Variants in FGFR2 observed in about 807,000 individuals in gnomAD.
FGFR2 encodes fibroblast growth factor receptor 2.
A neutral mutation model predicts 95.9 loss-of-function variants in FGFR2; 19 were observed. The ratio of observed to expected loss-of-function variants is 0.20; its 90% confidence interval spans 0.14 to 0.29. The LOEUF is 0.29. FGFR2 is among the 10% of genes least tolerant of loss of function. The probability of loss-of-function intolerance (pLI) is 1.00; values close to 1 mark genes in which losing one functional copy is unlikely to be tolerated. For missense variants in FGFR2, 707 were observed against 1,056.9 expected (o/e 0.67, Z 4.59); for synonymous variants, 392 against 393.3 (o/e 1.00, Z 0.04).
rs34753296 is a variant in FGFR2 at position 121,560,615 on chromosome 10, CAAAAAAAAAA to C, written c.454+3877_454+3886del. On this transcript the variant is annotated intron_variant, in intron 4 of 17. Coordinates refer to ENST00000358487, the MANE Select transcript of FGFR2 (RefSeq NM_000141.5). ...GGGCAACAGAGCAAGACTCCGTCCC[CAAAAAAAAAA>C]AAAAAAAAAAAAAAAAGAGGCGAGT... Among the ~76,000 whole-genome samples the C allele has an allele frequency of 1.2e-4, 6 of 51,812 alleles. 1 individual carries two copies. Among genetic ancestry groups the C allele is most frequent in the African/African-American group, 2.1e-4 (3 of 14,514 alleles). The allele number at this position is 51,812 out of a possible 152,430, so 34.0% of individuals were successfully genotyped here.
At position 121,518,017 on chromosome 10, in the gene FGFR2, T is replaced by C. The variant is rs3135759; in HGVS notation, c.940-554A>G. ...CGATACCATCTTGCCCTACATAGCA[T>C]TGACAAAAAGAAATGGAAGCAAGCA... On this transcript the variant is annotated intron_variant, in intron 7 of 17. Transcript: ENST00000358487. The surrounding 1 kb of genome is among the most constrained non-coding windows in gnomAD (Gnocchi z 4.0). The C allele has an allele frequency of 5.8e-3, 2,855 of 491,718 alleles. 16 individuals carry two copies. The highest frequency in any genetic ancestry group is 0.013 in the South Asian group (878 of 65,100). 30.5% of individuals were successfully genotyped at this position (491,718 alleles called of 1,614,324 possible).
intron 9 of FGFR2, among the ~76,000 whole-genome samples, chr10:121,506,357 C>CAAAA (rs10678814): frequency 3.9e-4 from 39 of 100,860 alleles, no homozygotes; most frequent in South Asian, 1.2e-3. Flanking sequence ...GACTCCGTCT[C>CAAAA]AAAAAAAAAA....
chr10:121,514,643 C>G (rs1301876318), intron 9 of FGFR2, among the ~76,000 whole-genome samples: 1 of 152,072 alleles, frequency 6.6e-6, no homozygotes, highest in Non-Finnish European at 1.5e-5. Flanking sequence ...CAGATGCACC[C>G]CCAGGGCATA....
chr10:121,520,993 A>T (rs1221987729), intron 6 of FGFR2, among the ~76,000 whole-genome samples: 1 of 152,228 alleles, frequency 6.6e-6, no homozygotes, highest in East Asian at 1.9e-4. Flanking sequence ...TTGTTTTAAA[A>T]ATTAAACTAA....
intron 1 of FGFR2, among the ~76,000 whole-genome samples, chr10:121,596,244 C>G (rs1026944412): frequency 6.6e-6 from 1 of 152,212 alleles, no homozygotes. Context: ...CGCCCGCCCC[C>G]CGGTCCATTT....
chr10:121,499,100 G>A (rs995424230), intron 11 of FGFR2, among the ~76,000 whole-genome samples: 27 of 152,212 alleles, frequency 1.8e-4, no homozygotes, highest in Admixed American at 1.8e-3. Context: ...ATAAACGTGT[G>A]TGCATGTGCA....
chr10:121,525,900 GC>G (rs1390678995), intron 6 of FGFR2, among the ~76,000 whole-genome samples: 1 of 152,074 alleles, frequency 6.6e-6, no homozygotes, highest in African/African-American at 2.4e-5. Flanking sequence ...AATTAATCAA[GC>G]ACAGAGTGGC....
intron 9 of FGFR2, among the ~76,000 whole-genome samples, chr10:121,510,215 C>T (rs567429882): frequency 8.1e-4 from 124 of 152,282 alleles, no homozygotes; most frequent in African/African-American, 2.7e-3. Context: ...CTCTGCCTCC[C>T]GCAGGCCTTT....
rs35378887 is a variant in FGFR2 at position 121,517,493 on chromosome 10, C to T, written c.940-30G>A. On this transcript the variant is annotated intron_variant, in intron 7 of 17. Transcript: ENST00000358487. The surrounding 1 kb of genome is among the most constrained non-coding windows in gnomAD (Gnocchi z 4.7). ...AAAACAAGGGAAGCAAAAGAAAAGG[C>T]TAGACGACACAGGAATGATTGTGGA... 6.2e-7 allele frequency: 1 copy of T among 1,613,940 alleles called. No homozygotes were observed. The highest frequency in any genetic ancestry group is 8.5e-7 in the Non-Finnish European group (1 of 1,179,958).
chr10:121,533,564 G>A (rs903314143), intron 6 of FGFR2, among the ~76,000 whole-genome samples: 8 of 152,180 alleles, frequency 5.3e-5, no homozygotes, highest in Non-Finnish European at 8.8e-5. Flanking sequence ...AATAATTCAC[G>A]ATTCAAAGCC....
intron 4 of FGFR2, among the ~76,000 whole-genome samples, chr10:121,554,106 C>T (rs1448738872): frequency 6.6e-6 from 1 of 152,220 alleles, no homozygotes; most frequent in Non-Finnish European, 1.5e-5. Flanking sequence ...CTGCAAAACA[C>T]AGACACAGCC....
chr10:121,519,808 A>T (rs1357845836), intron 7 of FGFR2, among the ~76,000 whole-genome samples, 171 bp downstream of exon 7: 4 of 152,194 alleles, frequency 2.6e-5, no homozygotes, highest in Non-Finnish European at 5.9e-5. Context: ...TTCCCTTCTG[A>T]AATTCTACTA....
At chr10:121,506,401 C>T (rs1393397136) in intron 9 of FGFR2, among the ~76,000 whole-genome samples, 5 of 150,494 alleles carry the variant, frequency 3.3e-5, no homozygotes, top group African/African-American at 9.7e-5. Flanking sequence ...GGACGACTTC[C>T]GCAAATGGCC....
intron 9 of FGFR2, among the ~76,000 whole-genome samples, chr10:121,506,036 C>T (rs1848220249): frequency 6.6e-6 from 1 of 152,062 alleles, no homozygotes; most frequent in Non-Finnish European, 1.5e-5. Flanking sequence ...TTGAGGATAT[C>T]ATGGGCAAGA....
At chr10:121,589,669 A>G (rs1017009875) in intron 2 of FGFR2, among the ~76,000 whole-genome samples, 1 of 152,238 alleles carries the variant, frequency 6.6e-6, no homozygotes, top group Non-Finnish European at 1.5e-5. Flanking sequence ...CTGCTCTATA[A>G]GTAATATTAA....
At chr10:121,484,617 AG>A (rs1409340784) in intron 16 of FGFR2, among the ~76,000 whole-genome samples, 1 of 152,162 alleles carries the variant, frequency 6.6e-6, no homozygotes, top group Non-Finnish European at 1.5e-5. Flanking sequence ...TTAATCCTGG[AG>A]GGGTTGAGGC....
In FGFR2 at chr10:121,515,311, T is replaced by G. The variant is rs1849564914; in HGVS notation, c.1093A>C (p.Arg365=). ...GGGGAAGCTGTAATCTCCTTTTCTC[T>G]TCCAGGCGCTAGATTGCAGATCACA... The part of the protein sequence containing the change: ...AWLTVLPAPG[R]EKEITASPDY... Residue 365 remains arginine (R), a synonymous_variant, in exon 9 of 18, where the codon AGA becomes CGA. Transcript: ENST00000358487. The G allele has an allele frequency of 6.2e-7, 1 of 1,614,064 alleles. No homozygotes were observed. Among genetic ancestry groups the G allele is most frequent in the Admixed American group, 1.7e-5 (1 of 60,002 alleles).
chr10:121,540,385 T>A (rs1262843716), intron 5 of FGFR2, among the ~76,000 whole-genome samples: 1 of 152,186 alleles, frequency 6.6e-6, no homozygotes, highest in African/African-American at 2.4e-5. Context: ...CCAGACAACA[T>A]GCTAGCGCGT....
In FGFR2 at chr10:121,552,283, C is replaced by A. The variant is rs1855521536; in HGVS notation, c.455-824G>T. 1.3e-5 allele frequency among the ~76,000 whole-genome samples: 2 copies of A among 152,206 alleles called. 1 individual carries two copies. The highest frequency in any genetic ancestry group is 4.1e-4 in the South Asian group (2 of 4,834). ...TATTTTTTCTAAATAAAAGCCACAA[C>A]ATCAAGCCAGAATACCACTGTAAAT... On this transcript the variant is annotated intron_variant, in intron 4 of 17. Transcript: ENST00000358487.
Sources: allele counts gnomAD v4.1 joint callset (sites outside exome capture counted in the v4.1 genomes callset), GRCh38; gene constraint gnomAD v4.1.1; non-coding constraint Gnocchi (gnomAD v3.1); transcripts MANE v1.5; gene names NCBI Gene and HGNC (gene_info 2026-07-23, HGNC 2026-07-21).